Variants in ACSBG1 observed in about 807,000 individuals in gnomAD.
ACSBG1 encodes long-chain-fatty-acid--CoA ligase ACSBG1.
Under a neutral mutation model 80.2 loss-of-function variants are expected in ACSBG1, and 39 were observed. The ratio of observed to expected loss-of-function variants is 0.49; its 90% confidence interval spans 0.38 to 0.64. The LOEUF is 0.64. ACSBG1 is among the 30% of genes least tolerant of loss of function. The pLI is 0.00. For missense variants in ACSBG1, 828 were observed against 966.4 expected, an observed-to-expected ratio of 0.86 and a Z score of 1.90; for synonymous variants, 392 against 379.5, an observed-to-expected ratio of 1.03 and a Z score of -0.38.
intron 1 of ACSBG1, chr15:78,212,522 G>A (rs1428485360): frequency 2.6e-5 from 12 of 455,148 alleles, no homozygotes; most frequent in Non-Finnish European, 4.9e-5. Context: ...GCAGGAGGCG[G>A]GGGAAGGTGG....
At chr15:78,198,393 C>A (rs147339342) in intron 2 of ACSBG1, among the ~76,000 whole-genome samples, 2 of 151,092 alleles carry the variant, frequency 1.3e-5, no homozygotes, top group Middle Eastern at 3.2e-3. Context: ...GTCGCCCAGG[C>A]TGGAATGCAG....
intron 13 of ACSBG1, 128 bp downstream of exon 13, chr15:78,173,465 G>A: frequency 1.5e-6 from 2 of 1,294,210 alleles, no homozygotes; most frequent in Non-Finnish European, 2.1e-6. Flanking sequence ...GAAGTAGATG[G>A]GTGTCACCCA....
intron 1 of ACSBG1, among the ~76,000 whole-genome samples, chr15:78,215,786 G>GAAAGAAAGAAAGAA (rs1477978248): frequency 1.6e-5 from 2 of 122,934 alleles, no homozygotes; most frequent in African/African-American, 6.7e-5. Context: ...AAGAAAGAAA[G>GAAAGAAAGAAAGAA]AGAAAGAAAG....
intron 2 of ACSBG1, among the ~76,000 whole-genome samples, chr15:78,204,844 C>T (rs1252337007): frequency 1.3e-5 from 2 of 152,232 alleles, no homozygotes; most frequent in Admixed American, 6.5e-5. Context: ...CAGCCTGAAA[C>T]ACCACCCCTT....
At chr15:78,233,283 G>A (rs1398641965) in intron 1 of ACSBG1, among the ~76,000 whole-genome samples, 1 of 152,176 alleles carries the variant, frequency 6.6e-6, no homozygotes, top group Admixed American at 6.5e-5. Context: ...GAGACCCAGG[G>A]CAGGGCCCAG....
chr15:78,180,682 G>C, intron 9 of ACSBG1, 73 bp downstream of exon 9: 1 of 1,546,628 alleles, frequency 6.5e-7, no homozygotes, highest in Non-Finnish European at 8.8e-7. Context: ...TGGCGTATCA[G>C]ACCCTCACTG....
At chr15:78,181,489 C>CTT (rs71145901) in intron 8 of ACSBG1, among the ~76,000 whole-genome samples, 8,224 of 83,048 alleles carry the variant, frequency 0.099, 555 homozygotes, top group South Asian at 0.2. Context: ...CATCAGGTTT[C>CTT]TTTTTTTTTT....
rs2075098464 is a variant in ACSBG1, at chr15:78,194,856, G to A, written c.233-130C>T. 17 of 728,382 alleles carry A rather than the reference G, an allele frequency of 2.3e-5. No homozygotes were observed. The South Asian group carries it at 3.1e-4, about 13-fold the overall frequency. The allele number at this position is 728,382 out of a possible 1,614,324, so 45.1% of individuals were successfully genotyped here. ...CCTCGGCCTTGAGGCTGGCAGGCCA[G>A]GGTAGACTGGGGTAGACTGGGGTAG... is the stretch of plus-strand genomic sequence containing the variant. On this transcript the variant is annotated intron_variant, in intron 2 of 13. Transcript: ENST00000258873.
intron 5 of ACSBG1, 34 bp downstream of exon 5, chr15:78,193,472 A>G (rs28700056): frequency 0.092 from 146,514 of 1,585,624 alleles, 11,194 homozygotes; most frequent in African/African-American, 0.38. Flanking sequence ...GATACCCAGC[A>G]TCTGACCCCA....
chr15:78,181,595 G>A (rs1364931435), intron 8 of ACSBG1, among the ~76,000 whole-genome samples: 1 of 142,958 alleles, frequency 7.0e-6, no homozygotes, highest in Non-Finnish European at 1.5e-5. Context: ...CTGGGTTCAC[G>A]CCATTCTCCT....
At chr15:78,206,155 G>A (rs1245792633) in intron 2 of ACSBG1, among the ~76,000 whole-genome samples, 1 of 152,162 alleles carries the variant, frequency 6.6e-6, no homozygotes, top group Non-Finnish European at 1.5e-5. Context: ...GGTGGCCTCC[G>A]CTCTGGGCGC....
chr15:78,214,942 T>C (rs2141375283), intron 1 of ACSBG1, among the ~76,000 whole-genome samples: 1 of 152,294 alleles, frequency 6.6e-6, no homozygotes, highest in African/African-American at 2.4e-5. Flanking sequence ...TCTTGCCTAT[T>C]GCCACTTCAG....
At chr15:78,215,319 A>G (rs1265148898) in intron 1 of ACSBG1, among the ~76,000 whole-genome samples, 2 of 128,900 alleles carry the variant, frequency 1.6e-5, no homozygotes, top group African/African-American at 5.6e-5. Context: ...ATGTCCTTCA[A>G]GGCTAGCTCT....
chr15:78,223,276 T>C (rs566678444), intron 1 of ACSBG1, among the ~76,000 whole-genome samples: 26 of 118,298 alleles, frequency 2.2e-4, no homozygotes, highest in Non-Finnish European at 6.9e-5. Context: ...GAGGGGCCTG[T>C]TGGGGGGTGG....
Position 78,177,295 on chromosome 15 carries a change from A to G in ACSBG1, c.1702+1319T>C, listed in dbSNP as rs183674947. On this transcript the variant is annotated intron_variant, in intron 11 of 13. Transcript: ENST00000258873. The surrounding 1 kb of genome is among the most constrained non-coding windows in gnomAD (Gnocchi z 4.1). The stretch of plus-strand genomic sequence containing the variant: ...TATTGGTGCACGGATAGGCGAATAG[A>G]CCAAGGGAACAGAATAGAGTCCACA... Among the ~76,000 whole-genome samples, 599 of 152,330 alleles carry G rather than the reference A, an allele frequency of 3.9e-3. 4 individuals carry two copies. Among genetic ancestry groups the G allele is most frequent in the African/African-American group, 0.011 (446 of 41,572 alleles).
At chr15:78,212,584 G>A (rs768754900) in intron 1 of ACSBG1, 6 of 455,858 alleles carry the variant, frequency 1.3e-5, no homozygotes, top group Admixed American at 2.4e-5. Context: ...ACCTGAGCAG[G>A]AGCACCTCTG....
intron 1 of ACSBG1, 139 bp downstream of exon 1, chr15:78,234,232 C>T (rs1265067563): frequency 7.9e-7 from 1 of 1,263,374 alleles, no homozygotes; most frequent in Middle Eastern, 2.2e-4. Context: ...TTACGGATCG[C>T]CCAGATCCTT....
intron 1 of ACSBG1, among the ~76,000 whole-genome samples, chr15:78,209,649 TACACTGCTA>T (rs1190175522): frequency 6.6e-6 from 1 of 152,150 alleles, no homozygotes; most frequent in South Asian, 2.1e-4. Flanking sequence ...GAGGGACACG[TACACTGCTA>T]GGCTCAGAGG....
intron 5 of ACSBG1, among the ~76,000 whole-genome samples, chr15:78,191,523 TACAA>T (rs2075056698): frequency 6.6e-6 from 1 of 152,230 alleles, no homozygotes; most frequent in South Asian, 2.1e-4. Flanking sequence ...ACCTACTCTG[TACAA>T]ACAGAGTGTC....
Sources: gnomAD v4.1 joint callset for allele counts (sites outside exome capture counted in the v4.1 genomes callset) on GRCh38, gnomAD v4.1.1 for gene constraint, Gnocchi (gnomAD v3.1) non-coding constraint, MANE v1.5 for transcripts, NCBI Gene and HGNC (gene_info 2026-07-23, HGNC 2026-07-21) for gene names.